The following COL6A6 variants were observed in gnomAD, a reference collection of about 807,000 sequenced individuals.
COL6A6 encodes collagen type VI alpha 6 chain.
A neutral mutation model predicts 208.6 loss-of-function variants in COL6A6; 183 were observed. The observed-to-expected ratio is 0.88, with a 90% confidence interval of 0.78 to 0.99. The LOEUF (loss-of-function observed/expected upper bound fraction) is 0.99. Among genes scored for constraint, COL6A6 ranks in the 50% least tolerant of loss-of-function variants. The pLI is 0.00. For missense variants in COL6A6, 2,816 were observed against 2,815.2 expected (o/e 1.00, Z -0.01); for synonymous variants, 973 against 1,011.8 (o/e 0.96, Z 0.73).
chr3:130,647,416 A>C lies in COL6A6; in HGVS notation c.5240-1653A>C, dbSNP rs190935215. Among the ~76,000 whole-genome samples the C allele has an allele frequency of 7.9e-5, 12 of 152,358 alleles. No individual in the cohort carries two copies. In the East Asian group the frequency reaches 2.3e-3, roughly 29 times the overall value. On this transcript the variant is annotated intron_variant, in intron 32 of 36. Transcript: ENST00000358511. ...TGTGCAAATAACCACCCCCCAAAAA[A>C]TCAGAAGAATCACTTTCATGTTTAG...
intron 1 of COL6A6, among the ~76,000 whole-genome samples, chr3:130,558,216 A>G (rs1284939514): frequency 6.6e-6 from 1 of 152,196 alleles, no homozygotes; most frequent in Non-Finnish European, 1.5e-5. Flanking sequence ...CAACATACAG[A>G]TTGCAGGCAC....
upstream of COL6A6, among the ~76,000 whole-genome samples, chr3:130,516,776 T>G (rs955322480): frequency 2.0e-5 from 3 of 152,108 alleles, no homozygotes; most frequent in East Asian, 5.8e-4. Flanking sequence ...TCTGGCTCCC[T>G]TGCTAGATCC....
intron 1 of COL6A6, among the ~76,000 whole-genome samples, chr3:130,548,336 G>C (rs2062566350): frequency 6.6e-6 from 1 of 152,208 alleles, no homozygotes; most frequent in Non-Finnish European, 1.5e-5. Flanking sequence ...CAGTCTTTTA[G>C]TTAGCCTGTG....
rs1303152073 is a variant in COL6A6, at chr3:130,634,635, G to A, written c.5028+10G>A. 1.2e-6 allele frequency: 2 copies of A among 1,602,702 alleles called. No individual in the cohort carries two copies. Among genetic ancestry groups the A allele is most frequent in the East Asian group, 4.5e-5 (2 of 44,666 alleles). On this transcript the variant is annotated intron_variant, in intron 27 of 36. Coordinates refer to ENST00000358511, the MANE Select transcript of COL6A6 (RefSeq NM_001102608.3). ...AGAAAGTGGACCTAAGGTACCGTGTGCTTCCTAGTAACTAGAGATCAGTCA... is the reference window on the plus strand; with the variant it reads ...AGAAAGTGGACCTAAGGTACCGTGTACTTCCTAGTAACTAGAGATCAGTCA...
intron 28 of COL6A6, among the ~76,000 whole-genome samples, chr3:130,636,532 T>G (rs2065114973): frequency 6.6e-6 from 1 of 152,168 alleles, no homozygotes; most frequent in African/African-American, 2.4e-5. Flanking sequence ...CAAACTGGTC[T>G]TAATTTATCA....
At position 130,676,556 on chromosome 3, in the gene COL6A6, C is replaced by G. The variant is rs1260477816; in HGVS notation, c.*1159C>G. The G allele has an allele frequency of 6.6e-6, 1 of 152,232 alleles. No homozygotes were observed. Among genetic ancestry groups the G allele is most frequent in the Non-Finnish European group, 1.5e-5 (1 of 68,060 alleles). The allele number at this position is 152,232 out of a possible 1,614,324, so 9.4% of individuals were successfully genotyped here. A position where few individuals can be genotyped will look rare whatever the true frequency, so the allele number is the denominator to read the frequency against. ...GCAATGGCCCTGTTAGGCAGACTGT[C>G]CCCCTCTTTGGGAATGGAAAGAAGC... is the stretch of plus-strand genomic sequence containing the variant. On this transcript the variant is annotated 3_prime_UTR_variant, in exon 37 of 37. Transcript: ENST00000358511.
rs759311877 is a variant in COL6A6 at position 130,568,041 on chromosome 3, A to G, written c.1844-6A>G. Reference sequence around the variant, plus strand: ...TTGAATAAACATCACAGTTTTTCCTATGCAGCTTGCAAAGAGATGAAAGCT... The same window carrying G: ...TTGAATAAACATCACAGTTTTTCCTGTGCAGCTTGCAAAGAGATGAAAGCT... On this transcript the variant is annotated splice_polypyrimidine_tract_variant and splice_region_variant and intron_variant, in intron 5 of 36. Coordinates refer to ENST00000358511, the MANE Select transcript of COL6A6 (RefSeq NM_001102608.3). 1.9e-6 allele frequency: 3 copies of G among 1,596,210 alleles called. No individual in the cohort carries two copies. The highest frequency in any genetic ancestry group is 2.7e-5 in the African/African-American group (2 of 74,152).
At chr3:130,609,262 C>T (rs1176748221) in intron 22 of COL6A6, among the ~76,000 whole-genome samples, 1 of 152,108 alleles carries the variant, frequency 6.6e-6, no homozygotes, top group Non-Finnish European at 1.5e-5. Flanking sequence ...AAATGTTGAA[C>T]CTCAGATCTG....
Position 130,581,649 on chromosome 3 carries a change from C to T in COL6A6, c.3636C>T (p.Thr1212=). Reference sequence around the variant, plus strand: ...TTGAAGGTCAGCCTTGGATGGAAACCTACCTTCAAGACATCTTACGTGCCA... The same window carrying T: ...TTGAAGGTCAGCCTTGGATGGAAACTTACCTTCAAGACATCTTACGTGCCA... ...TLLEGQPWME[T]YLQDILRAIS... is the part of the protein sequence containing the mutation. Residue 1212 remains threonine (T), a synonymous_variant, in exon 9 of 37, where the codon ACC becomes ACT. Transcript: ENST00000358511. 6.2e-7 allele frequency: 1 copy of T among 1,613,926 alleles called. No individual in the cohort carries two copies.
intron 32 of COL6A6, among the ~76,000 whole-genome samples, chr3:130,648,394 C>G (rs147647185): frequency 6.6e-6 from 1 of 152,320 alleles, no homozygotes; most frequent in African/African-American, 2.4e-5. Context: ...ATTCTAAGTA[C>G]TTTACCTGTG....
In COL6A6 at chr3:130,621,962, C is replaced by G. The variant is rs181932993; in HGVS notation, c.4878+79C>G. ...TGTGTCTAATTGTATTAGCCAGGGC[C>G]CTTTCAACACAAACAAGAACACATT... On this transcript the variant is annotated intron_variant, in intron 24 of 36. Coordinates refer to ENST00000358511, the MANE Select transcript of COL6A6 (RefSeq NM_001102608.3). 2,885 of 1,193,314 alleles carry G rather than the reference C, an allele frequency of 2.4e-3. 27 individuals carry two copies. The highest frequency in any genetic ancestry group is 1.3e-3 in the Non-Finnish European group (1,059 of 808,998). The allele number at this position is 1,193,314 out of a possible 1,614,324, so 73.9% of individuals were successfully genotyped here. A position where few individuals can be genotyped will look rare whatever the true frequency, so the allele number is the denominator to read the frequency against.
At position 130,590,607 on chromosome 3, in the gene COL6A6, G is replaced by A. The variant is rs186934448; in HGVS notation, c.4219-434G>A. ...TTTTGAGACGGAGTCTCGCTCTGCC[G>A]CCCAGGCTGGAGTGCAGTGGTGCGA... On this transcript the variant is annotated intron_variant, in intron 12 of 36. Coordinates refer to ENST00000358511, the MANE Select transcript of COL6A6 (RefSeq NM_001102608.3). 3.6e-3 allele frequency among the ~76,000 whole-genome samples: 552 copies of A among 151,554 alleles called. 1 individual carries two copies. Among genetic ancestry groups the A allele is most frequent in the African/African-American group, 0.013 (528 of 41,348 alleles).
chr3:130,600,709 G>A (rs1057349056), intron 20 of COL6A6, among the ~76,000 whole-genome samples: 1 of 152,128 alleles, frequency 6.6e-6, no homozygotes, highest in African/African-American at 2.4e-5. Context: ...AGGGCCAGTC[G>A]GGGGTTGGTG....
chr3:130,543,031 G>A (rs539903506), intron 1 of COL6A6, among the ~76,000 whole-genome samples: 48 of 150,848 alleles, frequency 3.2e-4, no homozygotes, highest in African/African-American at 1.0e-3. Context: ...TCAGCCTCCC[G>A]AGTAGCTAGA....
At chr3:130,582,717 A>T (rs1464525276) in intron 10 of COL6A6, among the ~76,000 whole-genome samples, 2 of 152,148 alleles carry the variant, frequency 1.3e-5, no homozygotes, top group African/African-American at 4.8e-5. Flanking sequence ...AGTGGGTGCT[A>T]TTTCTGCCCT....
At chr3:130,549,303 T>C (rs1463101068) in intron 1 of COL6A6, among the ~76,000 whole-genome samples, 1 of 152,158 alleles carries the variant, frequency 6.6e-6, no homozygotes, top group East Asian at 1.9e-4. Flanking sequence ...TTGAGAAGCT[T>C]GTGCCACCCT....
At chr3:130,607,767 G>A (rs1208706818) in intron 21 of COL6A6, among the ~76,000 whole-genome samples, 2 of 152,184 alleles carry the variant, frequency 1.3e-5, no homozygotes, top group Non-Finnish European at 2.9e-5. Context: ...TATGTGTAAT[G>A]TAAAATAGAC....
chr3:130,573,861 G>A (rs1389458278), intron 7 of COL6A6, 95 bp from the exon 8 acceptor site: 14 of 885,216 alleles, frequency 1.6e-5, no homozygotes, highest in South Asian at 1.0e-4. Context: ...GAGCCACCGC[G>A]CCCGGCCTAT....
In COL6A6 at chr3:130,565,217, T is replaced by C. The variant is rs764870950; in HGVS notation, c.885T>C (p.His295=). Reference sequence around the variant, plus strand: ...TAAATAAGTCAGAGGTTCTCCAGCATATACAGAACCTTTCTCCCCGAACTG... The same window carrying C: ...TAAATAAGTCAGAGGTTCTCCAGCACATACAGAACCTTTCTCCCCGAACTG... ...MGINKSEVLQ[H]IQNLSPRTGK... Residue 295 remains histidine, a synonymous_variant, in exon 4 of 37, where the codon CAT becomes CAC. Coordinates refer to ENST00000358511, the MANE Select transcript of COL6A6 (RefSeq NM_001102608.3). 2.5e-6 allele frequency: 4 copies of C among 1,613,894 alleles called. No individual in the cohort carries two copies. The African/African-American group carries it at 4.0e-5, about 16-fold the overall frequency.
Sources: allele counts gnomAD v4.1 joint callset (sites outside exome capture counted in the v4.1 genomes callset), GRCh38; gene constraint gnomAD v4.1.1; transcripts MANE v1.5; gene names NCBI Gene and HGNC (gene_info 2026-07-23, HGNC 2026-07-21).